NTN4: variants seen among roughly 807,000 people sequenced by gnomAD.
The protein encoded by NTN4 is netrin-4.
A neutral mutation model predicts 73.6 loss-of-function variants in NTN4; 32 were observed. The ratio of observed to expected loss-of-function variants is 0.44; its 90% CI spans 0.33 to 0.58. The LOEUF (loss-of-function observed/expected upper bound fraction) is 0.58, where lower values mean the gene tolerates loss of function less well. NTN4 is among the 20% of genes least tolerant of loss of function. NTN4 has a pLI of 0.04. For synonymous variants in NTN4, 258 were observed against 287.5 expected, an observed-to-expected ratio of 0.90 and a Z score of 1.04; for missense variants, 654 against 798.3, an observed-to-expected ratio of 0.82 and a Z score of 2.18.
At chr12:95,677,403 T>A (rs538653913) in intron 7 of NTN4, among the ~76,000 whole-genome samples, 1 of 152,270 alleles carries the variant, frequency 6.6e-6, no homozygotes, top group Admixed American at 6.5e-5. Context: ...AAGTAACAGA[T>A]GATTCTATTT....
At chr12:95,744,505 TTGA>T (rs948537250) in intron 2 of NTN4, among the ~76,000 whole-genome samples, 2 of 152,148 alleles carry the variant, frequency 1.3e-5, no homozygotes, top group South Asian at 2.1e-4. Flanking sequence ...TTTAATGTGA[TTGA>T]TGATATTTAC....
intron 3 of NTN4, among the ~76,000 whole-genome samples, chr12:95,731,014 T>C (rs1457586097): frequency 6.6e-6 from 1 of 152,142 alleles, no homozygotes; most frequent in Non-Finnish European, 1.5e-5. Flanking sequence ...ACCATAGATA[T>C]CCATACCCCT....
At chr12:95,723,674 G>T (rs1056241949) in intron 3 of NTN4, among the ~76,000 whole-genome samples, 2 of 151,530 alleles carry the variant, frequency 1.3e-5, no homozygotes, top group Non-Finnish European at 2.9e-5. Context: ...ACCACACCCG[G>T]CTAATTTTTG....
chr12:95,672,150 G>A lies in NTN4; in HGVS notation c.1511-2004C>T, dbSNP rs1191199907. ...AGGCTAGGTAACGTAGTAAGACATT[G>A]TCTCTACAAAAAAGATTAAAAATTG... is the stretch of plus-strand genomic sequence containing the variant. On this transcript the variant is annotated intron_variant, in intron 7 of 9. Coordinates refer to ENST00000343702, the MANE Select transcript of NTN4 (RefSeq NM_021229.4). 5.3e-5 allele frequency: 23 copies of A among 437,106 alleles called. No individual in the cohort carries two copies. In the Admixed American group the frequency reaches 7.7e-4, roughly 15 times the overall value. The allele number at this position is 437,106 out of a possible 1,614,324, so 27.1% of individuals were successfully genotyped here. A position where few individuals can be genotyped will look rare whatever the true frequency, so the allele number is the denominator to read the frequency against.
intron 2 of NTN4, among the ~76,000 whole-genome samples, chr12:95,765,995 C>T (rs1163762719): frequency 1.3e-5 from 2 of 152,192 alleles, no homozygotes; most frequent in Non-Finnish European, 1.5e-5. Context: ...GCCCAACTCA[C>T]ACACGCAGAC....
chr12:95,670,469 G>A (rs534862575), intron 7 of NTN4: 1 of 185,312 alleles, frequency 5.4e-6, no homozygotes, highest in South Asian at 1.9e-4. Flanking sequence ...AAACTGAATG[G>A]AAAACAATTG....
chr12:95,756,723 C>T (rs984452336), intron 2 of NTN4, among the ~76,000 whole-genome samples: 5 of 151,936 alleles, frequency 3.3e-5, no homozygotes, highest in African/African-American at 1.2e-4. Context: ...CCTGCCCATC[C>T]TTCCCCACTC....
chr12:95,693,784 T>G (rs1450710903), intron 5 of NTN4, among the ~76,000 whole-genome samples: 1 of 151,720 alleles, frequency 6.6e-6, no homozygotes, highest in Non-Finnish European at 1.5e-5. Context: ...ATTACTCTTA[T>G]TTTGTGGATC....
At chr12:95,704,078 G>A (rs1369715133) in intron 5 of NTN4, among the ~76,000 whole-genome samples, 1 of 152,052 alleles carries the variant, frequency 6.6e-6, no homozygotes, top group African/African-American at 2.4e-5. Context: ...TCAGCTGTGT[G>A]CCATCATGCC....
intron 3 of NTN4, among the ~76,000 whole-genome samples, chr12:95,723,837 T>C (rs2078669608): frequency 6.6e-6 from 1 of 152,176 alleles, no homozygotes; most frequent in Non-Finnish European, 1.5e-5. Context: ...TATTTGCCTA[T>C]ATATGTGTGA....
intron 5 of NTN4, among the ~76,000 whole-genome samples, chr12:95,706,125 A>G (rs2078520421): frequency 6.6e-6 from 1 of 152,230 alleles, no homozygotes; most frequent in African/African-American, 2.4e-5. Context: ...CTGTATAAGT[A>G]ACAGTAACTA....
chr12:95,731,506 CA>C (rs1352596356), intron 3 of NTN4, among the ~76,000 whole-genome samples: 1 of 152,106 alleles, frequency 6.6e-6, no homozygotes, highest in East Asian at 1.9e-4. Flanking sequence ...GCAGAGGTTG[CA>C]GTGAGCCGAG....
chr12:95,670,858 C>T (rs1565878327), intron 7 of NTN4, among the ~76,000 whole-genome samples: 1 of 131,946 alleles, frequency 7.6e-6, no homozygotes, highest in African/African-American at 2.9e-5. Flanking sequence ...ATATTTTCTC[C>T]CAATAGTTTA....
At chr12:95,722,049 A>G (rs942937758) in intron 3 of NTN4, among the ~76,000 whole-genome samples, 10 of 151,782 alleles carry the variant, frequency 6.6e-5, no homozygotes, top group Admixed American at 2.0e-4. Flanking sequence ...GACTGCTTAA[A>G]GTTGTGATTC....
intron 5 of NTN4, among the ~76,000 whole-genome samples, chr12:95,691,948 T>A (rs2078404675): frequency 1.3e-5 from 2 of 152,146 alleles, no homozygotes; most frequent in African/African-American, 4.8e-5. Context: ...ACAACCATGG[T>A]GGCAAAACAA....
intron 9 of NTN4, among the ~76,000 whole-genome samples, chr12:95,665,268 G>A (rs1217019739): frequency 6.6e-6 from 1 of 152,140 alleles, no homozygotes; most frequent in Non-Finnish European, 1.5e-5. Flanking sequence ...AAATCCTACA[G>A]TTTTTGTTTT....
In NTN4 at chr12:95,781,439, CTG is replaced by C. The variant is rs2079132544; in HGVS notation, c.585+5498_585+5499del. Among the ~76,000 whole-genome samples, 1 of 152,190 alleles carries C rather than the reference CTG, an allele frequency of 6.6e-6. No homozygotes were observed. On this transcript the variant is annotated intron_variant, in intron 2 of 9. Transcript: ENST00000343702. The surrounding 1 kb of genome is among the most constrained non-coding windows in gnomAD (Gnocchi z 4.1). ...TTCTATCAAACACAAATCCTTCAAT[CTG>C]TTTTAAAAATAGCAAACCTGGGTGG...
At chr12:95,766,470 C>T (rs2079022138) in intron 2 of NTN4, among the ~76,000 whole-genome samples, 1 of 152,190 alleles carries the variant, frequency 6.6e-6, no homozygotes, top group Non-Finnish European at 1.5e-5. Context: ...GAAAGGAATT[C>T]ATTTGGTCTT....
intron 2 of NTN4, among the ~76,000 whole-genome samples, chr12:95,741,602 C>T (rs1208662636): frequency 1.4e-5 from 2 of 141,090 alleles, no homozygotes; most frequent in Non-Finnish European, 3.1e-5. Context: ...AATATAGCCA[C>T]TCAAGCTTTC....
Sources: allele counts gnomAD v4.1 joint callset (sites outside exome capture counted in the v4.1 genomes callset), GRCh38; gene constraint gnomAD v4.1.1; non-coding constraint Gnocchi (gnomAD v3.1); transcripts MANE v1.5; gene names NCBI Gene and HGNC (gene_info 2026-07-23, HGNC 2026-07-21).